Variants in KRABD3 observed in about 807,000 individuals in gnomAD.
KRABD3 encodes the protein KRAB domain-containing protein 3.
At chr7:149,729,720 G>A in the KRABD3 span, 1 of 985,402 alleles carries the variant, frequency 1.0e-6, no homozygotes, top group East Asian at 1.1e-4. Flanking sequence ...GGATGCCTTT[G>A]CTGAATAAAT....
the KRABD3 span, chr7:149,725,986 C>T: frequency 1.7e-5 from 27 of 1,607,590 alleles, no homozygotes; most frequent in Non-Finnish European, 2.2e-5. Context: ...ACCAGCTTCT[C>T]CTCATCCAGC....
At chr7:149,726,107 C>G in the KRABD3 span, 72 of 1,540,790 alleles carry the variant, frequency 4.7e-5, no homozygotes, top group African/African-American at 8.4e-4. Context: ...GGAGAGGACT[C>G]AAGGCCCCTT....
chr7:149,732,718 A>AAGAGCACT, the KRABD3 span, among the ~76,000 whole-genome samples: 2 of 152,218 alleles, frequency 1.3e-5, no homozygotes, highest in East Asian at 3.9e-4. This position sits in a 1 kb window ranked among gnomAD's most constrained non-coding sequence, Gnocchi z 4.0. Context: ...GCCTGTAACG[A>AAGAGCACT]AGAGCACTGA....
the KRABD3 span, chr7:149,722,082 T>G: frequency 2.4e-6 from 1 of 415,622 alleles, no homozygotes; most frequent in Non-Finnish European, 4.5e-6. Flanking sequence ...TCAGGGGTCG[T>G]CGGGCACACT....
At chr7:149,725,312 C>T in the KRABD3 span, 1 of 1,577,094 alleles carries the variant, frequency 6.3e-7, no homozygotes. Flanking sequence ...TCTCCTGTTC[C>T]AGCTGCCAGT....
the KRABD3 span, chr7:149,723,647 G>T: frequency 5.9e-6 from 8 of 1,360,314 alleles, no homozygotes; most frequent in Non-Finnish European, 8.1e-6. Flanking sequence ...TTGGCCCCAC[G>T]CCCTTCTAAC....
the KRABD3 span, chr7:149,724,977 T>C: frequency 2.5e-6 from 2 of 794,014 alleles, no homozygotes; most frequent in Non-Finnish European, 3.8e-6. Context: ...TCCCAAGCAG[T>C]GAATCCCTTC....
chr7:149,729,059 G>T, the KRABD3 span: 3 of 706,998 alleles, frequency 4.2e-6, no homozygotes, highest in Non-Finnish European at 6.5e-6. Context: ...TGACAGATGG[G>T]TGTTTCCCAC....
chr7:149,733,634 A>T, the KRABD3 span: 2 of 1,591,194 alleles, frequency 1.3e-6, no homozygotes, highest in South Asian at 2.3e-5. Flanking sequence ...CCAGGGAGAG[A>T]GCTGCAGGGC....
At chr7:149,731,146 A>G in the KRABD3 span, among the ~76,000 whole-genome samples, 6 of 152,288 alleles carry the variant, frequency 3.9e-5, no homozygotes, top group Admixed American at 3.9e-4. Context: ...GAGGACGAGG[A>G]CGAGGAGGGA....
the KRABD3 span, chr7:149,721,678 C>T: frequency 1.9e-5 from 18 of 939,972 alleles, no homozygotes; most frequent in Admixed American, 2.2e-4. Flanking sequence ...TAACAAAGTA[C>T]GCCAGGGAGC....
At chr7:149,719,057 G>A in the KRABD3 span, among the ~76,000 whole-genome samples, 6 of 152,174 alleles carry the variant, frequency 3.9e-5, no homozygotes, top group Non-Finnish European at 7.3e-5. The surrounding 1 kb of genome is among the most constrained non-coding windows in gnomAD (Gnocchi z 5.6). Context: ...GAAGCCCTAC[G>A]TCACAGTGTG....
chr7:149,724,907 C>G, the KRABD3 span: 4 of 1,384,134 alleles, frequency 2.9e-6, no homozygotes, highest in East Asian at 5.0e-5. Flanking sequence ...CAGTCCCTGG[C>G]AAGGTTCCAC....
chr7:149,731,894 T>C, the KRABD3 span: 1 of 668,994 alleles, frequency 1.5e-6, no homozygotes, highest in Non-Finnish European at 2.6e-6. Flanking sequence ...TCACCTGTAA[T>C]GCACTTCAGG....
chr7:149,731,725 A>C, the KRABD3 span: 1 of 1,612,554 alleles, frequency 6.2e-7, no homozygotes, highest in East Asian at 2.2e-5. Flanking sequence ...GCCCAGGGTT[A>C]GTGAAGCATC....
the KRABD3 span, chr7:149,728,608 C>G: frequency 2.5e-6 from 4 of 1,613,748 alleles, no homozygotes; most frequent in Non-Finnish European, 3.4e-6. Context: ...CTGCCTGGCC[C>G]TGCTCCTCAG....
the KRABD3 span, among the ~76,000 whole-genome samples, chr7:149,727,403 A>C: frequency 2.0e-5 from 3 of 152,218 alleles, no homozygotes; most frequent in South Asian, 2.1e-4. Context: ...CTGACTTCAT[A>C]GGTAATATGA....
the KRABD3 span, chr7:149,729,332 G>A: frequency 1.9e-6 from 3 of 1,590,412 alleles, no homozygotes; most frequent in African/African-American, 2.7e-5. Flanking sequence ...AAAGACCCTG[G>A]GGCCACCAGG....
chr7:149,725,353 G>A, the KRABD3 span: 12,597 of 1,603,212 alleles, frequency 7.9e-3, 74 homozygotes, highest in Non-Finnish European at 9.5e-3. Flanking sequence ...AGCCCTGGAA[G>A]CCTGTCTGAA....
Sources: gnomAD v4.1 joint callset for allele counts (sites outside exome capture counted in the v4.1 genomes callset) on GRCh38, gnomAD v4.1.1 for gene constraint, Gnocchi (gnomAD v3.1) non-coding constraint, MANE v1.5 for transcripts, NCBI Gene and HGNC (gene_info 2026-07-23, HGNC 2026-07-21) for gene names.